CPEB2: variants seen among roughly 807,000 people sequenced by gnomAD.
CPEB2 encodes the protein cytoplasmic polyadenylation element binding protein 2, also known as cytoplasmic polyadenylation element-binding protein 2.
In CPEB2, 56 loss-of-function variants were observed where a neutral mutation model predicts 93.6. That is an observed-to-expected ratio of 0.60 (90% CI 0.48 to 0.75). The LOEUF (loss-of-function observed/expected upper bound fraction) is 0.75, where lower values mean the gene tolerates loss of function less well. CPEB2 is among the 30% of genes least tolerant of loss of function. The pLI is 0.00. For synonymous variants in CPEB2, 764 were observed against 586.3 expected, an observed-to-expected ratio of 1.30 and a Z score of -4.38; for missense variants, 1,579 against 1,395.1, an observed-to-expected ratio of 1.13 and a Z score of -2.10.
chr4:15,007,069 A>G (rs1316757705), intron 1 of CPEB2, among the ~76,000 whole-genome samples: 1 of 152,210 alleles, frequency 6.6e-6, no homozygotes, highest in East Asian at 1.9e-4. Context: ...CTATTTTAGT[A>G]ACTGTCATAA....
intron 4 of CPEB2, among the ~76,000 whole-genome samples, chr4:15,027,327 A>G (rs1382630202): frequency 6.6e-6 from 1 of 152,246 alleles, no homozygotes; most frequent in African/African-American, 2.4e-5. Flanking sequence ...AGTTGAATCT[A>G]AAGTAGATTG....
chr4:15,030,976 A>AC (rs998770750), intron 4 of CPEB2, among the ~76,000 whole-genome samples: 44 of 152,128 alleles, frequency 2.9e-4, no homozygotes, highest in African/African-American at 1.0e-3. Flanking sequence ...TCAAGGTGGA[A>AC]CTAGGCTTCA....
chr4:15,037,978 A>G (rs576523660), intron 5 of CPEB2, among the ~76,000 whole-genome samples: 1 of 152,332 alleles, frequency 6.6e-6, no homozygotes, highest in South Asian at 2.1e-4. Context: ...TTGGTAGGAA[A>G]GTGAATACAC....
chr4:15,058,205 A>C (rs531133659), intron 8 of CPEB2, among the ~76,000 whole-genome samples: 1 of 152,312 alleles, frequency 6.6e-6, no homozygotes, highest in Non-Finnish European at 1.5e-5. Flanking sequence ...TCTGATAGCA[A>C]GTGTTCTATA....
At chr4:15,043,302 T>C (rs917152655) in intron 6 of CPEB2, among the ~76,000 whole-genome samples, 5 of 152,204 alleles carry the variant, frequency 3.3e-5, no homozygotes, top group African/African-American at 4.8e-5. Context: ...AATGTAATTA[T>C]GCTAGTAGTA....
intron 4 of CPEB2, among the ~76,000 whole-genome samples, chr4:15,029,671 TTGAG>T (rs1725870058): frequency 6.6e-6 from 1 of 152,080 alleles, no homozygotes; most frequent in Non-Finnish European, 1.5e-5. Flanking sequence ...CCTAAGTGGC[TTGAG>T]TAAGATAGAA....
At chr4:15,043,252 C>T (rs1727351251) in intron 6 of CPEB2, among the ~76,000 whole-genome samples, 1 of 152,146 alleles carries the variant, frequency 6.6e-6, no homozygotes, top group South Asian at 2.1e-4. Context: ...AAAGCTAGCT[C>T]CAGATATTAA....
Position 15,023,322 on chromosome 4 carries a change from C to T in CPEB2, c.2125+6044C>T, listed in dbSNP as rs188846459. ...CTACTTATAGTATTTGAAGATATAT[C>T]AAAGAATTTCTTTTGAAGGTTTTTT... On this transcript the variant is annotated intron_variant, in intron 4 of 11. Transcript: ENST00000538197. Among the ~76,000 whole-genome samples the T allele has an allele frequency of 1.7e-3, 254 of 151,956 alleles. 2 individuals carry two copies. Among genetic ancestry groups the T allele is most frequent in the Non-Finnish European group, 2.4e-4 (16 of 67,828 alleles).
intron 4 of CPEB2, among the ~76,000 whole-genome samples, chr4:15,023,398 CA>C (rs533090319): frequency 4.0e-5 from 6 of 150,894 alleles, no homozygotes; most frequent in African/African-American, 7.3e-5. Context: ...TTTCCTGTTA[CA>C]AAAAAAATAG....
At chr4:15,010,382 T>G (rs1560216065) in intron 3 of CPEB2, 1 of 152,336 alleles carries the variant, frequency 6.6e-6, no homozygotes, top group Non-Finnish European at 1.5e-5. Flanking sequence ...TTGGTTTCTT[T>G]GAGCAAAGGG....
rs1373649708 is a variant in CPEB2 at position 15,068,919 on chromosome 4, T to C, written c.*2539T>C. 6.6e-6 allele frequency: 1 copy of C among 152,294 alleles called. No homozygotes were observed. Among genetic ancestry groups the C allele is most frequent in the Non-Finnish European group, 1.5e-5 (1 of 67,838 alleles). The allele number at this position is 152,294 out of a possible 1,614,324, so 9.4% of individuals were successfully genotyped here. A position where few individuals can be genotyped will look rare whatever the true frequency, so the allele number is the denominator to read the frequency against. The stretch of plus-strand genomic sequence containing the variant: ...TCACCCCTACCTCTTTTGTTTTGTT[T>C]TGTTTTTGCCCTTTATGTACTACAT... On this transcript the variant is annotated 3_prime_UTR_variant, in exon 12 of 12. Coordinates refer to ENST00000538197, the MANE Select transcript of CPEB2 (RefSeq NM_001177382.2).
chr4:15,017,421 T>A (rs991185106), intron 4 of CPEB2, 143 bp downstream of exon 4: 3 of 470,600 alleles, frequency 6.4e-6, no homozygotes, highest in Admixed American at 7.6e-5. Flanking sequence ...GAATCTTTGT[T>A]TTTATGAAAT....
At chr4:15,013,708 A>G (rs1723772080) in intron 3 of CPEB2, among the ~76,000 whole-genome samples, 1 of 152,040 alleles carries the variant, frequency 6.6e-6, no homozygotes, top group African/African-American at 2.4e-5. Context: ...TCAAAAAGCA[A>G]TTTTGAGATG....
In CPEB2 at chr4:15,002,817, G is replaced by A; in HGVS notation, c.144G>A (p.Leu48=). ...CCTCCGCCACGCCCTTCGGCCCACT[G>A]TCGCCACCACCGTTGCCTGTCACCG... is the stretch of plus-strand genomic sequence containing the variant. The part of the protein sequence containing the change: ...PLPSATPFGP[L]SPPPLPVTGF... Residue 48 remains leucine, a synonymous_variant, in exon 1 of 12, where the codon CTG becomes CTA. Transcript: ENST00000538197. 6.5e-7 allele frequency: 1 copy of A among 1,535,378 alleles called. No individual in the cohort carries two copies.
At position 15,032,754 on chromosome 4, in the gene CPEB2, TTCTC is replaced by T. The variant is rs1025626317; in HGVS notation, c.2126-404_2126-401del. The stretch of plus-strand genomic sequence containing the variant: ...TTGTTTTTGATTTAGGAATATGAAA[TTCTC>T]TCAAGTTTTATTTTTGACAGATCTA... On this transcript the variant is annotated intron_variant, in intron 4 of 11. Coordinates refer to ENST00000538197, the MANE Select transcript of CPEB2 (RefSeq NM_001177382.2). 5.9e-5 allele frequency among the ~76,000 whole-genome samples: 9 copies of T among 152,240 alleles called. No individual in the cohort carries two copies. In the South Asian group the frequency reaches 1.0e-3, roughly 18 times the overall value.
intron 3 of CPEB2, among the ~76,000 whole-genome samples, chr4:15,014,864 T>C (rs1417745295): frequency 1.3e-5 from 2 of 152,080 alleles, no homozygotes; most frequent in Non-Finnish European, 2.9e-5. Context: ...GATGGAAATA[T>C]CTGGATAGAT....
chr4:15,032,474 G>T (rs1261596989), intron 4 of CPEB2, among the ~76,000 whole-genome samples: 1 of 152,012 alleles, frequency 6.6e-6, no homozygotes, highest in African/African-American at 2.4e-5. Context: ...TAATACTGTT[G>T]TCCCTTCTGC....
rs1722129510 is a variant in CPEB2 at position 15,002,805 on chromosome 4, C to T, written c.132C>T (p.Pro44=). ...GSVNPLPSAT[P]FGPLSPPPLP... The stretch of plus-strand genomic sequence containing the variant: ...TCAACCCGCTGCCCTCCGCCACGCC[C>T]TTCGGCCCACTGTCGCCACCACCGT... The change falls in exon 1 of 12, where the codon CCC becomes CCT. Residue 44 remains proline, a synonymous_variant. Transcript: ENST00000538197. 10 of 1,535,362 alleles carry T rather than the reference C, an allele frequency of 6.5e-6. No individual in the cohort carries two copies. The highest frequency in any genetic ancestry group is 7.8e-6 in the Non-Finnish European group (9 of 1,146,650).
chr4:15,065,578 A>G (rs1358168440), intron 11 of CPEB2, among the ~76,000 whole-genome samples: 1 of 152,148 alleles, frequency 6.6e-6, no homozygotes, highest in Non-Finnish European at 1.5e-5. Flanking sequence ...GGAGAAGTTT[A>G]TCATTCAGAG....
Sources: allele counts gnomAD v4.1 joint callset (sites outside exome capture counted in the v4.1 genomes callset), GRCh38; gene constraint gnomAD v4.1.1; transcripts MANE v1.5; gene names NCBI Gene and HGNC (gene_info 2026-07-23, HGNC 2026-07-21).